Variants in MYBPC3 observed in about 807,000 individuals in gnomAD.
The protein encoded by MYBPC3 is myosin-binding protein C, cardiac-type.
MYBPC3 carries 108 observed loss-of-function variants against 159.3 expected under a neutral mutation model. The ratio of observed to expected loss-of-function variants is 0.68; its 90% CI spans 0.58 to 0.80. MYBPC3 has a LOEUF of 0.80. MYBPC3 is among the 30% of genes least tolerant of loss of function. MYBPC3 has a pLI of 0.00. For missense variants in MYBPC3, 1,631 were observed against 1,762.1 expected (o/e 0.93, Z 1.33); for synonymous variants, 730 against 702.0 (o/e 1.04, Z -0.63).
chr11:47,347,059 A>C lies in MYBPC3; in HGVS notation c.906-30T>G, dbSNP rs1215702043. ...GCCACAGCAGCAGCAGCCATAATGG[A>C]GGGGCCGGGGGAGAGGGAGAGAGAG... is the stretch of plus-strand genomic sequence containing the variant. On this transcript the variant is annotated intron_variant, in intron 9 of 34. Coordinates refer to ENST00000545968, the MANE Select transcript of MYBPC3 (RefSeq NM_000256.3). 3.5e-6 allele frequency: 3 copies of C among 850,176 alleles called. No individual in the cohort carries two copies. Among genetic ancestry groups the C allele is most frequent in the Non-Finnish European group, 2.0e-6 (1 of 495,664 alleles). The allele number at this position is 850,176 out of a possible 1,614,324, so 52.7% of individuals were successfully genotyped here.
In MYBPC3 at chr11:47,343,564, G is replaced by T; in HGVS notation, c.1151C>A (p.Thr384Asn). 6.2e-7 allele frequency: 1 copy of T among 1,612,758 alleles called. No homozygotes were observed. Among genetic ancestry groups the T allele is most frequent in the South Asian group, 1.1e-5 (1 of 90,702 alleles). ...QVSKGHKIRL[T>N]VELADHDAEV... ...AGCGTCATGGTCAGCCAGTTCCACG[G>T]TCAGCCGGATCTTGTGGCCTTTGCT... is the stretch of plus-strand genomic sequence containing the variant. Residue 384 changes from threonine to asparagine, a missense_variant, in exon 13 of 35, where the codon ACC (threonine) becomes AAC (asparagine). Transcript: ENST00000545968.
rs2095891372 is a variant in MYBPC3, at chr11:47,343,575, C to A, written c.1140G>T (p.Lys380Asn). ...EPAYQVSKGH[K>N]IRLTVELADH... ...CAGCCAGTTCCACGGTCAGCCGGAT[C>A]TTGTGGCCTTTGCTCACCTGGTAGG... Residue 380 changes from lysine to asparagine, a missense_variant, in exon 13 of 35, where the codon AAG becomes AAT. By Grantham distance (94) the Lys-to-Asn change is moderately conservative. Transcript: ENST00000545968. 1 of 1,612,982 alleles carries A rather than the reference C, an allele frequency of 6.2e-7. No homozygotes were observed. Among genetic ancestry groups the A allele is most frequent in the African/African-American group, 1.3e-5 (1 of 74,984 alleles).
chr11:47,350,662 C>A (rs897318018), intron 2 of MYBPC3, 47 bp from the exon 3 acceptor site: 12 of 1,425,844 alleles, frequency 8.4e-6, no homozygotes, highest in Non-Finnish European at 8.2e-6. Flanking sequence ...TAACCAGAGA[C>A]CCCTCCACCC....
intron 25 of MYBPC3, 59 bp downstream of exon 25, chr11:47,337,332 T>G: frequency 6.7e-7 from 1 of 1,501,064 alleles, no homozygotes; most frequent in Non-Finnish European, 8.9e-7. Flanking sequence ...CACCTGCTAT[T>G]ATTGGAGGTT....
At chr11:47,341,674 G>T (rs971695535) in intron 18 of MYBPC3, among the ~76,000 whole-genome samples, 5 of 152,164 alleles carry the variant, frequency 3.3e-5, no homozygotes, top group African/African-American at 1.2e-4. Flanking sequence ...GCTCGACCCC[G>T]TCCGTGTCTC....
In MYBPC3 at chr11:47,345,957, C is replaced by G. The variant is rs370059529; in HGVS notation, c.1090+250G>C. Among the ~76,000 whole-genome samples, 5 of 152,150 alleles carry G rather than the reference C, an allele frequency of 3.3e-5. No homozygotes were observed. In the South Asian group the frequency reaches 1.0e-3, roughly 32 times the overall value. The stretch of plus-strand genomic sequence containing the variant: ...TAACTTTTGCTCTTCTCTTCTATCT[C>G]TGTGGTAAGGGGCTAACCTGGGCAT... On this transcript the variant is annotated intron_variant, in intron 12 of 34. Transcript: ENST00000545968.
intron 3 of MYBPC3, among the ~76,000 whole-genome samples, 177 bp from the exon 4 acceptor site, chr11:47,350,289 T>A (rs2095899323): frequency 1.1e-5 from 1 of 92,858 alleles, no homozygotes; most frequent in Non-Finnish European, 3.2e-5. Context: ...CACGCCCGGC[T>A]AATTTTTTTG....
chr11:47,332,306 G>A lies in MYBPC3; in HGVS notation c.3628-48C>T, dbSNP rs1464674382. On this transcript the variant is annotated intron_variant, in intron 32 of 34. Transcript: ENST00000545968. The surrounding 1 kb of genome is among the most constrained non-coding windows in gnomAD (Gnocchi z 4.2). ...GAGGGAAGCCATCCAGGCTGAGAGG[G>A]GACCTGGCAGGGACCCAGGGAGACA... 1.3e-6 allele frequency: 2 copies of A among 1,588,170 alleles called. No homozygotes were observed. Among genetic ancestry groups the A allele is most frequent in the African/African-American group, 1.3e-5 (1 of 74,344 alleles).
intron 16 of MYBPC3, 38 bp downstream of exon 16, chr11:47,342,786 GGCAGAT>G (rs2095890190): frequency 6.2e-7 from 1 of 1,612,408 alleles, no homozygotes; most frequent in Admixed American, 1.7e-5. Context: ...GCCTCTTCTG[GGCAGAT>G]GCCCCCAACA....
At chr11:47,339,544 A>G in intron 21 of MYBPC3, 107 bp downstream of exon 21, 2 of 1,485,086 alleles carry the variant, frequency 1.3e-6, no homozygotes, top group Non-Finnish European at 1.8e-6. Flanking sequence ...GGGGTAGCCA[A>G]CAGCAGGGCG....
At position 47,332,521 on chromosome 11, in the gene MYBPC3, G is replaced by T; in HGVS notation, c.3627+45C>A. 2 of 1,583,014 alleles carry T rather than the reference G, an allele frequency of 1.3e-6. No homozygotes were observed. Among genetic ancestry groups the T allele is most frequent in the Non-Finnish European group, 1.7e-6 (2 of 1,161,816 alleles). ...GACTGCTCAACGTCGGGGCCTGTGA[G>T]CCCTGCCTCCTGGTCGGCCTGGACC... On this transcript the variant is annotated intron_variant, in intron 32 of 34. Transcript: ENST00000545968. The surrounding 1 kb of genome is among the most constrained non-coding windows in gnomAD (Gnocchi z 4.2).
At chr11:47,334,949 T>G in intron 27 of MYBPC3, 93 bp downstream of exon 27, 2 of 1,341,534 alleles carry the variant, frequency 1.5e-6, no homozygotes, top group East Asian at 2.8e-5. Flanking sequence ...GGGCAGAGCA[T>G]TCTGGGCCTC....
In MYBPC3 at chr11:47,351,422, C is replaced by T. The variant is rs2142869753; in HGVS notation, c.109G>A (p.Gly37Arg). The change falls in exon 2 of 35, where the codon GGA becomes AGA. Residue 37 changes from glycine to arginine, a missense_variant. Gly to Arg is a moderately radical substitution (Grantham distance 125). Transcript: ENST00000545968. The surrounding 1 kb of genome is among the most constrained non-coding windows in gnomAD (Gnocchi z 4.2). ...AVFEAETERAGVKVRWQRGGS... is the reference protein window; with the variant it reads ...AVFEAETERARVKVRWQRGGS... ...CCGCGCTGCCAGCGCACCTTCACTC[C>T]TGCCCGCTCTGTCTCGGCCTCGAAC... 6.2e-7 allele frequency: 1 copy of T among 1,610,224 alleles called. No individual in the cohort carries two copies. The highest frequency in any genetic ancestry group is 8.5e-7 in the Non-Finnish European group (1 of 1,178,822).
At position 47,350,103 on chromosome 11, in the gene MYBPC3, G is replaced by A. The variant is rs730880704; in HGVS notation, c.416C>T (p.Ser139Leu). 1 of 1,555,110 alleles carries A rather than the reference G, an allele frequency of 6.4e-7. No homozygotes were observed. Among genetic ancestry groups the A allele is most frequent in the African/African-American group, 1.4e-5 (1 of 73,224 alleles). Residue 139 changes from serine to leucine, a missense_variant, in exon 4 of 35, where the codon TCA becomes TTA. By Grantham distance (145) the Ser-to-Leu change is moderately radical. Coordinates refer to ENST00000545968, the MANE Select transcript of MYBPC3 (RefSeq NM_000256.3). ...AGGGGTAGGACCATTGAGAGCTGCT[G>A]AGCTTGACCCTGTGAGCAAAGGCTT... ...ESAPSPKGSS[S>L]AALNGPTPGA...
Position 47,338,812 on chromosome 11 carries a change from T to C in MYBPC3, c.2149-133A>G, listed in dbSNP as rs2095885350. On this transcript the variant is annotated intron_variant, in intron 22 of 34. Coordinates refer to ENST00000545968, the MANE Select transcript of MYBPC3 (RefSeq NM_000256.3). This position sits in a 1 kb window ranked among gnomAD's most constrained non-coding sequence, Gnocchi z 4.7. Reference sequence around the variant, plus strand: ...TGGGAAGACTGCATCCACGTCAGCATCTAGTTCAAAATCATCTCTGTGGCA... The same window carrying C: ...TGGGAAGACTGCATCCACGTCAGCACCTAGTTCAAAATCATCTCTGTGGCA... 6 of 1,159,580 alleles carry C rather than the reference T, an allele frequency of 5.2e-6. No individual in the cohort carries two copies. The African/African-American group carries it at 6.2e-5, about 12-fold the overall frequency. The allele number at this position is 1,159,580 out of a possible 1,614,324, so 71.8% of individuals were successfully genotyped here.
rs778582048 is a variant in MYBPC3, at chr11:47,348,527, C to T, written c.669G>A (p.Glu223=). The change falls in exon 6 of 35, where the codon GAG becomes GAA. Residue 223 remains glutamate (E), a synonymous_variant. Coordinates refer to ENST00000545968, the MANE Select transcript of MYBPC3 (RefSeq NM_000256.3). The part of the protein sequence containing the change: ...YDRASKVYLF[E]LHITDAQPAF... ...CAGGCTGGGCATCGGTGATGTGCAG[C>T]TCGAACAGATAGACCTGTGTGCATG... 13 of 1,612,594 alleles carry T rather than the reference C, an allele frequency of 8.1e-6. No individual in the cohort carries two copies. Among genetic ancestry groups the T allele is most frequent in the Non-Finnish European group, 1.0e-5 (12 of 1,179,258 alleles).
Position 47,339,460 on chromosome 11 carries a change from C to T in MYBPC3, c.2068-56G>A, listed in dbSNP as rs145934688. On this transcript the variant is annotated intron_variant, in intron 21 of 34. Transcript: ENST00000545968. ...CAGAGGAGCTGACTCAGCCTGGAAGCGCCCCTCTGCTGCTTCTTCCACCCC... is the reference window on the plus strand; with the variant it reads ...CAGAGGAGCTGACTCAGCCTGGAAGTGCCCCTCTGCTGCTTCTTCCACCCC... The T allele has an allele frequency of 3.3e-3, 5,226 of 1,569,524 alleles. 16 individuals carry two copies. The highest frequency in any genetic ancestry group is 8.1e-3 in the Middle Eastern group (48 of 5,952).
At position 47,346,483 on chromosome 11, in the gene MYBPC3, CT is replaced by C; in HGVS notation, c.927-114del. 6.9e-7 allele frequency: 1 copy of C among 1,452,524 alleles called. No homozygotes were observed. Among genetic ancestry groups the C allele is most frequent in the Non-Finnish European group, 9.2e-7 (1 of 1,089,706 alleles). The allele number at this position is 1,452,524 out of a possible 1,614,324, so 90.0% of individuals were successfully genotyped here. A position where few individuals can be genotyped will look rare whatever the true frequency, so the allele number is the denominator to read the frequency against. Reference sequence around the variant, plus strand: ...CCACCCCTGTCCCTCTGCCCCTTCCCTTCTGGTGGGGCAGCTGGAGCTGCTC... The same window carrying C: ...CCACCCCTGTCCCTCTGCCCCTTCCCTCTGGTGGGGCAGCTGGAGCTGCTC... On this transcript the variant is annotated intron_variant, in intron 11 of 34. Coordinates refer to ENST00000545968, the MANE Select transcript of MYBPC3 (RefSeq NM_000256.3). The surrounding 1 kb of genome is among the most constrained non-coding windows in gnomAD (Gnocchi z 5.3).
chr11:47,337,315 T>C, intron 25 of MYBPC3, 76 bp downstream of exon 25: 13 of 1,442,898 alleles, frequency 9.0e-6, no homozygotes, highest in Non-Finnish European at 1.1e-5. Flanking sequence ...CATGGCTGCC[T>C]GCAGAGCACC....
Sources: gnomAD v4.1 joint callset for allele counts (sites outside exome capture counted in the v4.1 genomes callset) on GRCh38, gnomAD v4.1.1 for gene constraint, Gnocchi (gnomAD v3.1) non-coding constraint, MANE v1.5 for transcripts, NCBI Gene and HGNC (gene_info 2026-07-23, HGNC 2026-07-21) for gene names.